CCDC3: variants seen among roughly 807,000 people sequenced by gnomAD.
The protein encoded by CCDC3 is coiled-coil domain-containing protein 3.
Under a neutral mutation model 21.4 loss-of-function variants are expected in CCDC3, and 24 were observed. The ratio of observed to expected loss-of-function variants is 1.12; its 90% CI spans 0.81 to 1.58. CCDC3 has a LOEUF of 1.58. Among genes scored for constraint, CCDC3 ranks in the 40% most tolerant of loss-of-function variants. CCDC3 has a pLI of 0.00. For missense variants in CCDC3, 425 were observed against 360.9 expected (o/e 1.18, Z -1.44); for synonymous variants, 186 against 166.0 (o/e 1.12, Z -0.93).
chr10:12,960,691 G>A (rs1835167613), intron 2 of CCDC3, among the ~76,000 whole-genome samples: 1 of 152,188 alleles, frequency 6.6e-6, no homozygotes, highest in African/African-American at 2.4e-5. Flanking sequence ...AAGATGGCCA[G>A]AGAGCTCAAG....
chr10:13,058,903 T>C (rs531627625), intron 4 of CCDC3, among the ~76,000 whole-genome samples: 1 of 152,322 alleles, frequency 6.6e-6, no homozygotes, highest in African/African-American at 2.4e-5. Context: ...GGCGCATCCA[T>C]ATGACTCAGG....
chr10:12,898,108 C>G lies in CCDC3; in HGVS notation c.*308G>C, dbSNP rs1226273714. ...TACACTAGAGATTCTAAAATGTTCTCTCCCCAGTCAGGGCTCTTTCTGGGC... is the reference window on the plus strand; with the variant it reads ...TACACTAGAGATTCTAAAATGTTCTGTCCCCAGTCAGGGCTCTTTCTGGGC... On this transcript the variant is annotated 3_prime_UTR_variant, in exon 3 of 3. Coordinates refer to ENST00000378825, the MANE Select transcript of CCDC3 (RefSeq NM_031455.4). 7.8e-6 allele frequency: 3 copies of G among 382,374 alleles called. No homozygotes were observed. Among genetic ancestry groups the G allele is most frequent in the Non-Finnish European group, 1.4e-5 (3 of 212,490 alleles). 23.7% of individuals were successfully genotyped at this position (382,374 alleles called of 1,614,324 possible).
intron 2 of CCDC3, among the ~76,000 whole-genome samples, chr10:12,953,713 G>A (rs1003970568): frequency 1.3e-5 from 2 of 152,200 alleles, no homozygotes; most frequent in Admixed American, 1.3e-4. Context: ...GCCACAGGGG[G>A]CCTCGAGGCA....
chr10:12,929,224 T>C (rs1300062667), intron 2 of CCDC3, among the ~76,000 whole-genome samples: 10 of 140,516 alleles, frequency 7.1e-5, no homozygotes, highest in African/African-American at 2.7e-4. Flanking sequence ...ATCGTGCCAC[T>C]GCACTCCAGC....
At chr10:12,951,804 C>CAAAAA (rs71924811) in intron 2 of CCDC3, among the ~76,000 whole-genome samples, 1,669 of 60,224 alleles carry the variant, frequency 0.028, 319 homozygotes, top group Middle Eastern at 0.1. Context: ...GACTTCATCT[C>CAAAAA]AAAAAAAAAA....
chr10:12,942,764 C>T (rs1834852282), intron 2 of CCDC3, among the ~76,000 whole-genome samples: 1 of 152,180 alleles, frequency 6.6e-6, no homozygotes, highest in Admixed American at 6.5e-5. Flanking sequence ...TTCTATAAAA[C>T]CCCATGCATT....
intron 5 of CCDC3, among the ~76,000 whole-genome samples, chr10:13,013,646 T>C (rs1292368786): frequency 6.6e-6 from 1 of 152,154 alleles, no homozygotes; most frequent in African/African-American, 2.4e-5. Flanking sequence ...AACTGGAATC[T>C]TGCACCAGCT....
intron 2 of CCDC3, among the ~76,000 whole-genome samples, chr10:12,910,921 A>G (rs1482149498): frequency 1.3e-5 from 2 of 152,236 alleles, no homozygotes; most frequent in Non-Finnish European, 2.9e-5. Flanking sequence ...TGTGGAAGGC[A>G]GTATAATTAC....
intron 2 of CCDC3, among the ~76,000 whole-genome samples, chr10:12,950,496 T>G (rs572039074): frequency 1.3e-5 from 2 of 152,314 alleles, no homozygotes; most frequent in African/African-American, 4.8e-5. Flanking sequence ...TTCTAGCCAT[T>G]AAGACTGAGA....
chr10:13,050,410 C>G (rs1169504750), intron 4 of CCDC3, among the ~76,000 whole-genome samples: 2 of 151,672 alleles, frequency 1.3e-5, no homozygotes, highest in Non-Finnish European at 2.9e-5. Context: ...AGGGCTGGGC[C>G]TAGGCTTAGA....
chr10:13,001,186 G>A lies in CCDC3; in HGVS notation c.374+11C>T, dbSNP rs1338448423. On this transcript the variant is annotated intron_variant, in intron 1 of 2. Transcript: ENST00000378825. Reference sequence around the variant, plus strand: ...GAGAGAGAGAGGTGGCGGCGGCGCCGCCGGGCTCACCTGAGGAAGAAGAAA... The same window carrying A: ...GAGAGAGAGAGGTGGCGGCGGCGCCACCGGGCTCACCTGAGGAAGAAGAAA... 1.9e-6 allele frequency: 3 copies of A among 1,545,328 alleles called. No individual in the cohort carries two copies. The highest frequency in any genetic ancestry group is 1.2e-5 in the South Asian group (1 of 83,730).
intron 1 of CCDC3, 101 bp from the exon 2 acceptor site, chr10:12,998,613 C>T (rs1835799568): frequency 3.9e-6 from 4 of 1,031,650 alleles, no homozygotes; most frequent in African/African-American, 1.6e-5. Context: ...GCCAATTTCA[C>T]ATCAATGTCT....
intron 4 of CCDC3, among the ~76,000 whole-genome samples, chr10:13,051,015 T>C (rs993778296): frequency 3.3e-5 from 5 of 152,148 alleles, no homozygotes; most frequent in African/African-American, 1.2e-4. Flanking sequence ...GGCCTCAAAC[T>C]CCTGGTCTCA....
chr10:12,985,755 A>T (rs1477685329), intron 2 of CCDC3, among the ~76,000 whole-genome samples: 3 of 152,248 alleles, frequency 2.0e-5, no homozygotes, highest in Non-Finnish European at 4.4e-5. Flanking sequence ...GTTTAGGGAT[A>T]GGTGAGGGGA....
At chr10:13,092,791 C>T (rs548572) in intron 3 of CCDC3, among the ~76,000 whole-genome samples, 148,376 of 152,276 alleles carry the variant, frequency 0.97, 72,397 homozygotes, top group East Asian at 1. Flanking sequence ...TCTGATGAGA[C>T]CAGCCGCCCA....
intron 5 of CCDC3, among the ~76,000 whole-genome samples, chr10:13,009,621 T>C (rs1221645288): frequency 6.6e-6 from 1 of 152,162 alleles, no homozygotes; most frequent in African/African-American, 2.4e-5. Context: ...CATAAATATA[T>C]AGATAACTGA....
At chr10:12,970,720 T>C (rs1202179810) in intron 2 of CCDC3, among the ~76,000 whole-genome samples, 2 of 152,040 alleles carry the variant, frequency 1.3e-5, no homozygotes, top group Non-Finnish European at 2.9e-5. Flanking sequence ...ACCCTGTCTT[T>C]ACCAAAAATA....
intron 2 of CCDC3, among the ~76,000 whole-genome samples, chr10:12,906,579 G>A (rs986737865): frequency 1.3e-5 from 2 of 152,130 alleles, no homozygotes; most frequent in African/African-American, 2.4e-5. Flanking sequence ...TGGCTTAAAC[G>A]ATTCCACACT....
chr10:13,005,777 G>A (rs1425381089), upstream of CCDC3, among the ~76,000 whole-genome samples: 1 of 152,188 alleles, frequency 6.6e-6, no homozygotes, highest in African/African-American at 2.4e-5. Context: ...TTGCTGCAGA[G>A]ACTTCTCAGA....
Sources: allele counts gnomAD v4.1 joint callset (sites outside exome capture counted in the v4.1 genomes callset), GRCh38; gene constraint gnomAD v4.1.1; transcripts MANE v1.5; gene names NCBI Gene and HGNC (gene_info 2026-07-23, HGNC 2026-07-21).